Variants in L3HYPDH observed in about 807,000 individuals in gnomAD.
The protein encoded by L3HYPDH is trans-L-3-hydroxyproline dehydratase, also known as trans-3-hydroxy-L-proline dehydratase.
In L3HYPDH, 32 loss-of-function variants were observed where a neutral mutation model predicts 26.5. The observed-to-expected ratio is 1.21, with a 90% CI of 0.91 to 1.62. The LOEUF (loss-of-function observed/expected upper bound fraction) is 1.62, where lower values mean the gene tolerates loss of function less well. Ranked by LOEUF, L3HYPDH falls within the 40% of genes most tolerant of loss-of-function variation. L3HYPDH has a pLI of 0.00. For synonymous variants in L3HYPDH, 215 were observed against 196.6 expected (o/e 1.09, Z -0.78); for missense variants, 554 against 476.4 (o/e 1.16, Z -1.52).
Position 59,483,661 on chromosome 14 carries a change from C to T in L3HYPDH, c.508+148G>A, listed in dbSNP as rs942028563. 7.6e-6 allele frequency: 11 copies of T among 1,446,492 alleles called. No individual in the cohort carries two copies. In the African/African-American group the frequency reaches 8.5e-5, roughly 11 times the overall value. 89.6% of individuals were successfully genotyped at this position (1,446,492 alleles called of 1,614,324 possible). A position where few individuals can be genotyped will look rare whatever the true frequency, so the allele number is the denominator to read the frequency against. On this transcript the variant is annotated intron_variant, in intron 1 of 4. Coordinates refer to ENST00000247194, the MANE Select transcript of L3HYPDH (RefSeq NM_144581.2). ...CACCAAATACGCAAGGCTGCTGACACACGTTGGCAGTGATTTACCTTTCTA... is the reference window on the plus strand; with the variant it reads ...CACCAAATACGCAAGGCTGCTGACATACGTTGGCAGTGATTTACCTTTCTA...
chr14:59,484,552 T>A, upstream of L3HYPDH: 1 of 1,566,238 alleles, frequency 6.4e-7, no homozygotes. Context: ...CCAGATCCGC[T>A]GATCTAGTGC....
chr14:59,499,347 A>G, the L3HYPDH span, among the ~76,000 whole-genome samples: 1 of 151,970 alleles, frequency 6.6e-6, no homozygotes, highest in East Asian at 1.9e-4. Flanking sequence ...AGAAATAAAA[A>G]CTGGTTTTTA....
intron 2 of L3HYPDH, 165 bp downstream of exon 2, chr14:59,479,017 C>T (rs1345171329): frequency 5.0e-5 from 26 of 524,164 alleles, no homozygotes; most frequent in South Asian, 3.3e-4. Context: ...TCACAGGCCA[C>T]GGGTGGGACA....
chr14:59,468,285 T>G (rs1889241534), downstream of L3HYPDH, among the ~76,000 whole-genome samples: 1 of 152,226 alleles, frequency 6.6e-6, no homozygotes, highest in Non-Finnish European at 1.5e-5. Context: ...ATCCTTAATA[T>G]TTCCTACAAG....
chr14:59,484,027 T>C lies in L3HYPDH; in HGVS notation c.290A>G (p.Asn97Ser), dbSNP rs1890282512. 6 of 1,604,842 alleles carry C rather than the reference T, an allele frequency of 3.7e-6. No individual in the cohort carries two copies. The highest frequency in any genetic ancestry group is 2.2e-5 in the East Asian group (1 of 44,784). The stretch of plus-strand genomic sequence containing the variant: ...GCCGCACATGGAGCTGTAGCCCTCG[T>C]TGTGCAGGAACAGGACGCCCAGATG... ...DAHLGVLFLHNEGYSSMCGHA... is the reference protein window; with the variant it reads ...DAHLGVLFLHSEGYSSMCGHA... Residue 97 changes from asparagine to serine, a missense_variant, in exon 1 of 5, where the codon AAC (asparagine) becomes AGC (serine). By Grantham distance (46) the Asn-to-Ser change is conservative. Transcript: ENST00000247194.
chr14:59,490,605 A>G, the L3HYPDH span, among the ~76,000 whole-genome samples: 1 of 152,332 alleles, frequency 6.6e-6, no homozygotes, highest in East Asian at 1.9e-4. Flanking sequence ...TCAGATAGAA[A>G]TAGAATCAGC....
chr14:59,483,701 T>G, intron 1 of L3HYPDH, 108 bp downstream of exon 1: 1 of 1,493,236 alleles, frequency 6.7e-7, no homozygotes, highest in Non-Finnish European at 8.9e-7. Flanking sequence ...TTGCAAGGTT[T>G]CGCGGAGTAG....
chr14:59,492,736 C>T, the L3HYPDH span, among the ~76,000 whole-genome samples: 1 of 151,796 alleles, frequency 6.6e-6, no homozygotes, highest in Non-Finnish European at 1.5e-5. Context: ...TTTGTTAAGT[C>T]TTTGCCCAAA....
the L3HYPDH span, among the ~76,000 whole-genome samples, chr14:59,502,760 T>TTTTTTTTTGTTTTTG: frequency 7.7e-6 from 1 of 130,112 alleles, no homozygotes; most frequent in African/African-American, 2.9e-5. Flanking sequence ...ATTTTTTTTT[T>TTTTTTTTTGTTTTTG]TTTTTTTTTT....
intron 1 of L3HYPDH, among the ~76,000 whole-genome samples, chr14:59,467,085 C>T (rs1044234460): frequency 2.0e-5 from 3 of 152,046 alleles, no homozygotes; most frequent in African/African-American, 7.2e-5. Context: ...AAACCCAGCC[C>T]AAATAAGCTT....
chr14:59,469,985 G>A (rs530751366), downstream of L3HYPDH, among the ~76,000 whole-genome samples: 1 of 152,172 alleles, frequency 6.6e-6, no homozygotes, highest in Non-Finnish European at 1.5e-5. Context: ...AGCAGATAAA[G>A]AAAGCAAAGC....
intron 1 of L3HYPDH, among the ~76,000 whole-genome samples, chr14:59,467,219 A>G (rs1184575774): frequency 6.6e-6 from 1 of 152,222 alleles, no homozygotes; most frequent in East Asian, 1.9e-4. Context: ...TTTTAAAAAA[A>G]GAAGAAAGGG....
upstream of L3HYPDH, chr14:59,484,471 G>A (rs1005123184): frequency 7.1e-7 from 1 of 1,413,700 alleles, no homozygotes. Flanking sequence ...GAGGAACTTC[G>A]GAGCTGTCGC....
chr14:59,470,745 T>C (rs1311756123), downstream of L3HYPDH, among the ~76,000 whole-genome samples: 5 of 152,012 alleles, frequency 3.3e-5, no homozygotes, highest in Non-Finnish European at 5.9e-5. Context: ...AGAAGCCAGA[T>C]TGCAGTAGTT....
the L3HYPDH span, among the ~76,000 whole-genome samples, chr14:59,491,400 G>A: frequency 1.3e-5 from 2 of 152,214 alleles, no homozygotes; most frequent in Non-Finnish European, 2.9e-5. Context: ...GTGTCTGGCT[G>A]TAGATAGGTT....
chr14:59,470,089 A>G (rs1249616175), downstream of L3HYPDH, among the ~76,000 whole-genome samples: 2 of 152,108 alleles, frequency 1.3e-5, no homozygotes, highest in African/African-American at 2.4e-5. Context: ...AGGTAAGGCA[A>G]TTTTCCCAGC....
chr14:59,473,965 C>T (rs576614340), intron 4 of L3HYPDH, among the ~76,000 whole-genome samples: 3 of 152,230 alleles, frequency 2.0e-5, no homozygotes, highest in African/African-American at 7.2e-5. Flanking sequence ...TTCTGGCAAG[C>T]ATGATCAATA....
the L3HYPDH span, among the ~76,000 whole-genome samples, chr14:59,492,959 G>A: frequency 6.1e-3 from 927 of 151,600 alleles, 8 homozygotes; most frequent in Non-Finnish European, 9.8e-3. Context: ...CACCACGCCC[G>A]GCCAATTTTT....
chr14:59,489,653 A>C, the L3HYPDH span, among the ~76,000 whole-genome samples: 1 of 152,324 alleles, frequency 6.6e-6, no homozygotes, highest in African/African-American at 2.4e-5. Flanking sequence ...GTTTTCTGTT[A>C]GTCCATTTCC....
Sources: gnomAD v4.1 joint callset for allele counts (sites outside exome capture counted in the v4.1 genomes callset) on GRCh38, gnomAD v4.1.1 for gene constraint, MANE v1.5 for transcripts, NCBI Gene and HGNC (gene_info 2026-07-23, HGNC 2026-07-21) for gene names.